WDFY4: variants seen among roughly 807,000 people sequenced by gnomAD.
The protein encoded by WDFY4 is WDFY family member 4, also known as WD repeat- and FYVE domain-containing protein 4.
In WDFY4, 169 loss-of-function variants were observed where a neutral mutation model predicts 351.9. That is an observed-to-expected ratio of 0.48 (90% CI 0.42 to 0.55). The LOEUF (loss-of-function observed/expected upper bound fraction) is 0.55, where lower values mean the gene tolerates loss of function less well. Ranked by LOEUF, WDFY4 falls within the 20% of genes least tolerant of loss-of-function variation. WDFY4 has a pLI of 0.00. For missense variants in WDFY4, 3,803 were observed against 3,935.6 expected, an observed-to-expected ratio of 0.97 and a Z score of 0.90; for synonymous variants, 1,622 against 1,574.6, an observed-to-expected ratio of 1.03 and a Z score of -0.71.
chr10:48,946,711 C>T, intron 50 of WDFY4, 149 bp from the exon 51 acceptor site: 1 of 630,734 alleles, frequency 1.6e-6, no homozygotes, highest in Non-Finnish European at 2.8e-6. Context: ...GATCTTATTG[C>T]CTGAATGTTT....
chr10:48,879,613 C>T (rs1296655592), intron 43 of WDFY4, among the ~76,000 whole-genome samples: 1 of 152,214 alleles, frequency 6.6e-6, no homozygotes, highest in Non-Finnish European at 1.5e-5. Context: ...CTGCTAGAGC[C>T]TCAGATGGCT....
intron 12 of WDFY4, among the ~76,000 whole-genome samples, chr10:48,758,224 G>A (rs2065393248): frequency 6.6e-6 from 1 of 152,066 alleles, no homozygotes; most frequent in Admixed American, 6.6e-5. Flanking sequence ...TATTTTTGTA[G>A]CACTTTAAAA....
intron 47 of WDFY4, among the ~76,000 whole-genome samples, chr10:48,907,248 C>A (rs1229971123): frequency 1.3e-5 from 2 of 152,174 alleles, no homozygotes; most frequent in Non-Finnish European, 2.9e-5. Flanking sequence ...GGCTAGGATG[C>A]CTATCTGATT....
At chr10:48,883,592 A>G (rs1305622686) in intron 43 of WDFY4, among the ~76,000 whole-genome samples, 3 of 152,180 alleles carry the variant, frequency 2.0e-5, no homozygotes, top group Non-Finnish European at 4.4e-5. Context: ...GACTGTGTGC[A>G]TGCTCCTACA....
chr10:48,900,571 A>G (rs1399268657), intron 46 of WDFY4, among the ~76,000 whole-genome samples: 4 of 152,322 alleles, frequency 2.6e-5, no homozygotes, highest in African/African-American at 7.2e-5. Context: ...AGGAAGTGAG[A>G]AAAAAATTAC....
At chr10:48,930,451 C>T (rs1232420651) in intron 47 of WDFY4, among the ~76,000 whole-genome samples, 1 of 152,126 alleles carries the variant, frequency 6.6e-6, no homozygotes, top group Non-Finnish European at 1.5e-5. Context: ...CACTATGGGG[C>T]TGGAGAGTGA....
At chr10:48,847,839 G>A (rs534657023) in intron 39 of WDFY4, among the ~76,000 whole-genome samples, 10 of 152,170 alleles carry the variant, frequency 6.6e-5, no homozygotes, top group Non-Finnish European at 1.2e-4. Flanking sequence ...ATCACAGTTC[G>A]AAAAAGACAA....
chr10:48,745,593 C>CT, intron 12 of WDFY4: 1 of 512,568 alleles, frequency 2.0e-6, no homozygotes. Context: ...TCTCCACGTT[C>CT]TTTTTGGCCT....
chr10:48,789,858 C>T lies in WDFY4; in HGVS notation c.3955-16C>T. 6.4e-7 allele frequency: 1 copy of T among 1,551,842 alleles called. No homozygotes were observed. The highest frequency in any genetic ancestry group is 1.2e-5 in the South Asian group (1 of 84,052). ...TGCAGGACTTTCTTAGGACTAATTG[C>T]TGCTCATTTCTCTAGATGAACATTT... On this transcript the variant is annotated splice_polypyrimidine_tract_variant and intron_variant, in intron 21 of 61. Transcript: ENST00000325239.
chr10:48,728,616 G>A (rs1422015400), intron 7 of WDFY4, among the ~76,000 whole-genome samples: 2 of 152,254 alleles, frequency 1.3e-5, no homozygotes, highest in Non-Finnish European at 2.9e-5. Flanking sequence ...TCCACCAAGT[G>A]TCCAGAAGGA....
chr10:48,850,971 A>C (rs1373458060), intron 39 of WDFY4, among the ~76,000 whole-genome samples: 6 of 152,246 alleles, frequency 3.9e-5, no homozygotes, highest in Admixed American at 3.3e-4. Flanking sequence ...GCAAATATAC[A>C]CAGATTTAAT....
At chr10:48,917,787 G>A (rs1838686272) in intron 47 of WDFY4, among the ~76,000 whole-genome samples, 1 of 152,184 alleles carries the variant, frequency 6.6e-6, no homozygotes, top group Non-Finnish European at 1.5e-5. Context: ...TCCAAACTTT[G>A]GGGATAAAGG....
chr10:48,919,943 A>G (rs1450135422), intron 47 of WDFY4, among the ~76,000 whole-genome samples: 2 of 152,196 alleles, frequency 1.3e-5, no homozygotes, highest in African/African-American at 2.4e-5. Flanking sequence ...AAATCACACA[A>G]AGACATATAA....
chr10:48,719,698 A>T (rs1393141649), intron 2 of WDFY4, among the ~76,000 whole-genome samples: 1 of 152,204 alleles, frequency 6.6e-6, no homozygotes, highest in African/African-American at 2.4e-5. Flanking sequence ...TGGGGGCAGC[A>T]GGCACCTGGC....
At chr10:48,701,707 C>T (rs926022356) in intron 1 of WDFY4, among the ~76,000 whole-genome samples, 3 of 152,074 alleles carry the variant, frequency 2.0e-5, no homozygotes, top group Admixed American at 6.6e-5. Context: ...CTTTGGAGTC[C>T]GATGCACAGA....
intron 55 of WDFY4, chr10:48,967,073 A>C (rs1319412513): frequency 6.0e-6 from 1 of 167,532 alleles, no homozygotes; most frequent in Non-Finnish European, 1.3e-5. Context: ...GAAGGATTAC[A>C]GCCTCTGTGC....
At chr10:48,785,509 AT>A (rs2066377244) in intron 19 of WDFY4, among the ~76,000 whole-genome samples, 2 of 152,180 alleles carry the variant, frequency 1.3e-5, no homozygotes, top group Non-Finnish European at 2.9e-5. Context: ...TTATGAATTA[AT>A]TTTTGTATAA....
At chr10:48,843,606 A>G (rs2068679795) in intron 39 of WDFY4, among the ~76,000 whole-genome samples, 1 of 152,224 alleles carries the variant, frequency 6.6e-6, no homozygotes, top group South Asian at 2.1e-4. Context: ...GTAAAGTAAA[A>G]CAGATTTGAA....
chr10:48,792,379 C>T (rs2066713988), intron 23 of WDFY4, among the ~76,000 whole-genome samples: 1 of 152,198 alleles, frequency 6.6e-6, no homozygotes, highest in African/African-American at 2.4e-5. Context: ...CACATCTCTA[C>T]TGGAATCTTC....
Sources: gnomAD v4.1 joint callset for allele counts (sites outside exome capture counted in the v4.1 genomes callset) on GRCh38, gnomAD v4.1.1 for gene constraint, MANE v1.5 for transcripts, NCBI Gene and HGNC (gene_info 2026-07-23, HGNC 2026-07-21) for gene names.